Variants in SEMA5B observed in about 807,000 individuals in gnomAD.
SEMA5B encodes semaphorin 5B, also known as semaphorin-5B.
Under a neutral mutation model 135.0 loss-of-function variants are expected in SEMA5B, and 66 were observed. The observed-to-expected ratio is 0.49, with a 90% CI of 0.40 to 0.60. The LOEUF (loss-of-function observed/expected upper bound fraction) is 0.60, where lower values mean the gene tolerates loss of function less well. Ranked by LOEUF, SEMA5B falls within the 20% of genes least tolerant of loss-of-function variation. SEMA5B has a pLI of 0.00. For synonymous variants in SEMA5B, 690 were observed against 639.5 expected (o/e 1.08, Z -1.19); for missense variants, 1,501 against 1,566.3 (o/e 0.96, Z 0.70).
rs947092151 is a variant in SEMA5B at position 123,027,715 on chromosome 3, C to A, written c.-290G>T. The A allele has an allele frequency of 3.9e-5, 6 of 152,146 alleles. No homozygotes were observed. Among genetic ancestry groups the A allele is most frequent in the African/African-American group, 1.4e-4 (6 of 41,428 alleles). 9.4% of individuals were successfully genotyped at this position (152,146 alleles called of 1,614,324 possible). On this transcript the variant is annotated 5_prime_UTR_variant, in exon 1 of 23. Coordinates refer to ENST00000357599, the MANE Select transcript of SEMA5B (RefSeq NM_001031702.4). ...GGCGGAGCTGGGCTCTGGCACCAAC[C>A]CCCGCGCTCCAACTAGCTCCCGACC...
chr3:122,991,406 AT>A (rs991086254), intron 1 of SEMA5B, among the ~76,000 whole-genome samples: 2 of 152,128 alleles, frequency 1.3e-5, no homozygotes, highest in Non-Finnish European at 2.9e-5. Flanking sequence ...GCCAGGAGTA[AT>A]TTTGCCCTTG....
chr3:123,020,223 G>T (rs531340773), intron 1 of SEMA5B, among the ~76,000 whole-genome samples: 1 of 152,100 alleles, frequency 6.6e-6, no homozygotes, highest in Non-Finnish European at 1.5e-5. Context: ...AAATTATGGC[G>T]CATCCGTATG....
chr3:122,929,374 G>C (rs544592033), intron 5 of SEMA5B, among the ~76,000 whole-genome samples: 64 of 152,334 alleles, frequency 4.2e-4, no homozygotes, highest in African/African-American at 1.5e-3. Flanking sequence ...AGTCAGCCAG[G>C]GAGCTGGAAG....
intron 14 of SEMA5B, among the ~76,000 whole-genome samples, chr3:122,914,591 A>C (rs1265680671): frequency 6.6e-6 from 1 of 152,176 alleles, no homozygotes; most frequent in Non-Finnish European, 1.5e-5. Context: ...TACCCCCATG[A>C]GGTTGCTGTG....
At chr3:122,961,732 CCT>C (rs1560370536) in intron 1 of SEMA5B, among the ~76,000 whole-genome samples, 1 of 152,066 alleles carries the variant, frequency 6.6e-6, no homozygotes, top group South Asian at 2.1e-4. Flanking sequence ...TGTCCTCCTG[CCT>C]CTCTCTCTAC....
intron 12 of SEMA5B, among the ~76,000 whole-genome samples, chr3:122,920,953 G>C (rs926949430): frequency 1.3e-5 from 2 of 152,228 alleles, no homozygotes; most frequent in South Asian, 2.1e-4. Context: ...ATGGAGACTT[G>C]TGTTGGGGCT....
intron 5 of SEMA5B, among the ~76,000 whole-genome samples, chr3:122,932,710 T>C (rs562660750): frequency 1.3e-5 from 2 of 152,266 alleles, no homozygotes; most frequent in Admixed American, 6.5e-5. Context: ...CCCACTTGTA[T>C]AGGTTTATGC....
chr3:122,936,190 A>T (rs1241048510), intron 5 of SEMA5B, among the ~76,000 whole-genome samples: 2 of 152,216 alleles, frequency 1.3e-5, no homozygotes, highest in Non-Finnish European at 2.9e-5. Context: ...CAGAAATTCC[A>T]GGATGATCTC....
At chr3:122,986,784 C>T (rs1175490746) in intron 1 of SEMA5B, among the ~76,000 whole-genome samples, 4 of 152,178 alleles carry the variant, frequency 2.6e-5, no homozygotes, top group African/African-American at 7.2e-5. Flanking sequence ...CTGAAGTTAA[C>T]CCTATAACCC....
intron 2 of SEMA5B, among the ~76,000 whole-genome samples, chr3:122,955,432 C>T (rs1024797355): frequency 2.0e-5 from 3 of 152,116 alleles, no homozygotes; most frequent in Non-Finnish European, 4.4e-5. Flanking sequence ...TAGTTTAAGC[C>T]CTTGCTTTTC....
At chr3:122,968,964 A>G (rs1056321089) in intron 1 of SEMA5B, among the ~76,000 whole-genome samples, 5 of 152,174 alleles carry the variant, frequency 3.3e-5, no homozygotes, top group East Asian at 1.9e-4. Context: ...TTTCTCACCA[A>G]TGATCCCCAA....
chr3:122,921,285 A>G (rs986380362), intron 12 of SEMA5B, among the ~76,000 whole-genome samples: 4 of 152,166 alleles, frequency 2.6e-5, no homozygotes, highest in African/African-American at 7.2e-5. Flanking sequence ...TTGGCTTTGG[A>G]ATAGGCTTTG....
At chr3:122,936,730 T>C (rs1939304928) in intron 5 of SEMA5B, among the ~76,000 whole-genome samples, 1 of 152,190 alleles carries the variant, frequency 6.6e-6, no homozygotes, top group South Asian at 2.1e-4. Context: ...TACCAGTTTA[T>C]TAAGTTACAC....
chr3:122,913,205 T>C lies in SEMA5B; in HGVS notation c.2500A>G (p.Thr834Ala), dbSNP rs755668114. The C allele has an allele frequency of 1.9e-6, 3 of 1,564,454 alleles. No individual in the cohort carries two copies. The highest frequency in any genetic ancestry group is 2.4e-5 in the East Asian group (1 of 42,188). ...CPADGSGSCD[T>A]DALVEVLLRS... ...GGCGCCGGGCGCGGGGTACCGTCGG[T>C]GTCGCAGGAGCCGGAGCCGTCCGCG... Residue 834 changes from threonine (T) to alanine (A), a missense_variant, in exon 17 of 23, where the codon ACC (threonine) becomes GCC (alanine). Physicochemically the swap from Thr to Ala is moderately conservative, Grantham distance 58. This residue lies in a region of SEMA5B where 927 missense variants were observed against 881.6 expected (regional missense o/e 1.05). Transcript: ENST00000357599.
intron 1 of SEMA5B, among the ~76,000 whole-genome samples, chr3:122,970,797 C>T (rs143142746): frequency 7.5e-4 from 114 of 152,310 alleles, no homozygotes; most frequent in African/African-American, 2.5e-3. Flanking sequence ...AATTCTGGGA[C>T]GGAAATCTAC....
chr3:122,976,200 T>C, intron 1 of SEMA5B: 1 of 1,496,222 alleles, frequency 6.7e-7, no homozygotes. Flanking sequence ...CAAAATGTGC[T>C]CCTAGGACCA....
At position 122,923,518 on chromosome 3, in the gene SEMA5B, G is replaced by A; in HGVS notation, c.1272+99C>T. ...GGCATGGACTGGCAGGGACGGGTCT[G>A]GTGTCTGTCTGTGCTAAGCAGTTGG... On this transcript the variant is annotated intron_variant, in intron 10 of 22. Transcript: ENST00000357599. The A allele has an allele frequency of 4.4e-6, 6 of 1,363,058 alleles. No individual in the cohort carries two copies. In the Admixed American group the frequency reaches 7.6e-5, roughly 17 times the overall value. The allele number at this position is 1,363,058 out of a possible 1,614,324, so 84.4% of individuals were successfully genotyped here.
At chr3:122,956,982 A>G (rs1257382449) in intron 2 of SEMA5B, among the ~76,000 whole-genome samples, 12 of 152,210 alleles carry the variant, frequency 7.9e-5, no homozygotes, top group African/African-American at 2.9e-4. Flanking sequence ...CATTCCAGAC[A>G]GAGGGCACAG....
At chr3:122,978,847 C>T (rs1941425612) in intron 1 of SEMA5B, among the ~76,000 whole-genome samples, 2 of 152,124 alleles carry the variant, frequency 1.3e-5, no homozygotes, top group Admixed American at 1.3e-4. Context: ...TGCCACTATT[C>T]CAGGCCCCTT....
Sources: allele counts gnomAD v4.1 joint callset (sites outside exome capture counted in the v4.1 genomes callset), GRCh38; gene constraint gnomAD v4.1.1; regional missense constraint gnomAD v4.1.1; transcripts MANE v1.5; gene names NCBI Gene and HGNC (gene_info 2026-07-23, HGNC 2026-07-21).